CSMD3: variants seen among roughly 807,000 people sequenced by gnomAD.
CSMD3 encodes CUB and sushi domain-containing protein 3.
CSMD3 carries 177 observed loss-of-function variants against 435.2 expected under a neutral mutation model. The ratio of observed to expected loss-of-function variants is 0.41; its 90% CI spans 0.36 to 0.46. CSMD3 has a LOEUF of 0.46. CSMD3 is among the 20% of genes least tolerant of loss of function. The probability of loss-of-function intolerance (pLI) is 0.34; values close to 1 mark genes in which losing one functional copy is unlikely to be tolerated. For missense variants in CSMD3, 4,265 were observed against 4,504.6 expected, an observed-to-expected ratio of 0.95 and a Z score of 1.52; for synonymous variants, 1,656 against 1,520.5, an observed-to-expected ratio of 1.09 and a Z score of -2.07.
At chr8:112,231,402 C>T in intron 69 of CSMD3, 143 bp downstream of exon 69, 1 of 675,398 alleles carries the variant, frequency 1.5e-6, no homozygotes. Flanking sequence ...TTTAAAAGGG[C>T]TATCAAAGGT....
chr8:113,392,306 G>A (rs962071260), intron 1 of CSMD3, among the ~76,000 whole-genome samples: 2 of 151,994 alleles, frequency 1.3e-5, no homozygotes, highest in Non-Finnish European at 2.9e-5. Context: ...TGTTGCTTAG[G>A]AGTTGACAGG....
At chr8:113,253,670 T>C (rs1340196300) in intron 3 of CSMD3, among the ~76,000 whole-genome samples, 1 of 151,380 alleles carries the variant, frequency 6.6e-6, no homozygotes, top group African/African-American at 2.4e-5. Flanking sequence ...TGAAACCCCG[T>C]CTATACTAAA....
intron 32 of CSMD3, among the ~76,000 whole-genome samples, chr8:112,463,829 T>TA (rs143288517): frequency 4.4e-3 from 673 of 152,288 alleles, no homozygotes; most frequent in Non-Finnish European, 6.6e-3. Flanking sequence ...AAAATATTGA[T>TA]ACCCTGTGCA....
intron 4 of CSMD3, among the ~76,000 whole-genome samples, chr8:113,146,762 CATATAGTGGTTTTTGGTA>C (rs2131757759): frequency 6.6e-6 from 1 of 151,490 alleles, no homozygotes; most frequent in South Asian, 2.1e-4. Context: ...TACACGAAAA[CATATAGTGGTTTTTGGTA>C]ATATGAAAAT....
In CSMD3 at chr8:113,393,280, C is replaced by T. The variant is rs182554433; in HGVS notation, c.178+43397G>A. The stretch of plus-strand genomic sequence containing the variant: ...ATTTTGAAAGCTAATTAGATAAGGT[C>T]TTTTGATCTCCTGTTTACTGCAAAA... On this transcript the variant is annotated intron_variant, in intron 1 of 70. Transcript: ENST00000297405. Among the ~76,000 whole-genome samples, 382 of 152,102 alleles carry T rather than the reference C, an allele frequency of 2.5e-3. 2 individuals carry two copies. Among genetic ancestry groups the T allele is most frequent in the African/African-American group, 7.7e-3 (321 of 41,524 alleles).
intron 9 of CSMD3, among the ~76,000 whole-genome samples, chr8:112,942,318 A>G (rs1393781555): frequency 6.6e-6 from 1 of 151,658 alleles, no homozygotes; most frequent in Admixed American, 6.6e-5. Flanking sequence ...GCAATTTCTC[A>G]AAGAACTTAG....
chr8:113,141,190 GAA>G (rs761354378), intron 4 of CSMD3, among the ~76,000 whole-genome samples: 2 of 150,592 alleles, frequency 1.3e-5, no homozygotes, highest in African/African-American at 2.4e-5. Flanking sequence ...AAAAAGTCCA[GAA>G]AAAGACTTCT....
At chr8:113,308,597 A>G (rs1030096680) in intron 2 of CSMD3, among the ~76,000 whole-genome samples, 8 of 152,178 alleles carry the variant, frequency 5.3e-5, no homozygotes, top group African/African-American at 1.9e-4. Context: ...ATACAGTCAT[A>G]AAATCTGTAA....
At chr8:112,561,624 A>G (rs976501232) in intron 24 of CSMD3, among the ~76,000 whole-genome samples, 1 of 151,622 alleles carries the variant, frequency 6.6e-6, no homozygotes, top group Non-Finnish European at 1.5e-5. Flanking sequence ...TATTATTATT[A>G]CAAAACAAGT....
At chr8:113,426,636 T>A (rs1334031262) in intron 1 of CSMD3, among the ~76,000 whole-genome samples, 1 of 151,456 alleles carries the variant, frequency 6.6e-6, no homozygotes, top group Non-Finnish European at 1.5e-5. Flanking sequence ...CTAATAGGAA[T>A]GTGAACTAGT....
intron 9 of CSMD3, among the ~76,000 whole-genome samples, chr8:112,940,756 T>C (rs1472460558): frequency 1.3e-5 from 2 of 151,798 alleles, no homozygotes; most frequent in Non-Finnish European, 2.9e-5. Context: ...ATAGATTTCC[T>C]CAGTGATTAT....
At chr8:112,746,207 A>G (rs1362273832) in intron 13 of CSMD3, among the ~76,000 whole-genome samples, 1 of 152,224 alleles carries the variant, frequency 6.6e-6, no homozygotes, top group African/African-American at 2.4e-5. Context: ...GTTGACAAGT[A>G]AGACTGTAGA....
At chr8:113,220,445 C>T (rs961651056) in intron 3 of CSMD3, among the ~76,000 whole-genome samples, 7 of 151,194 alleles carry the variant, frequency 4.6e-5, no homozygotes, top group Non-Finnish European at 8.9e-5. Context: ...CCACGGCAAC[C>T]TTAGCACCAA....
At position 113,196,118 on chromosome 8, in the gene CSMD3, CTTCT is replaced by C. The variant is rs879621689; in HGVS notation, c.515-22206_515-22203del. Among the ~76,000 whole-genome samples, 40 of 151,108 alleles carry C rather than the reference CTTCT, an allele frequency of 2.6e-4. 1 individual carries two copies. The highest frequency in any genetic ancestry group is 2.5e-3 in the Admixed American group (38 of 15,066). ...ATCTAATTTTTCTCTTGCATGATAG[CTTCT>C]TTTTGTCTTTTCTCTCTTAAGCTAT... On this transcript the variant is annotated intron_variant, in intron 3 of 70. Transcript: ENST00000297405.
intron 59 of CSMD3, among the ~76,000 whole-genome samples, chr8:112,275,288 C>T (rs1338717142): frequency 6.6e-6 from 1 of 152,148 alleles, no homozygotes; most frequent in Non-Finnish European, 1.5e-5. Context: ...TGGCTCTCGC[C>T]TGTAACCCCA....
intron 1 of CSMD3, among the ~76,000 whole-genome samples, chr8:113,413,128 T>C (rs965389942): frequency 3.9e-5 from 6 of 152,178 alleles, no homozygotes; most frequent in Non-Finnish European, 8.8e-5. Flanking sequence ...AAATTAAGTT[T>C]TAATGATACT....
intron 19 of CSMD3, among the ~76,000 whole-genome samples, chr8:112,648,196 C>A (rs543518219): frequency 6.6e-6 from 1 of 152,204 alleles, no homozygotes; most frequent in South Asian, 2.1e-4. Context: ...ACCGCTGGGG[C>A]AAAAGTTTCT....
At chr8:112,371,908 C>A (rs1353000269) in intron 38 of CSMD3, among the ~76,000 whole-genome samples, 6 of 151,318 alleles carry the variant, frequency 4.0e-5, no homozygotes, top group African/African-American at 1.5e-4. Context: ...ACCAAAAAAA[C>A]AAAAAACAAA....
At chr8:112,610,334 TAA>T (rs78145810) in intron 22 of CSMD3, among the ~76,000 whole-genome samples, 361 of 145,578 alleles carry the variant, frequency 2.5e-3, no homozygotes, top group African/African-American at 8.4e-3. Flanking sequence ...AAGCTAAAAT[TAA>T]AAAAAAAAAA....
Sources: allele counts gnomAD v4.1 joint callset (sites outside exome capture counted in the v4.1 genomes callset), GRCh38; gene constraint gnomAD v4.1.1; transcripts MANE v1.5; gene names NCBI Gene and HGNC (gene_info 2026-07-23, HGNC 2026-07-21).